Variants in DENND4C observed in about 807,000 individuals in gnomAD.
DENND4C encodes the protein DENN domain-containing protein 4C.
DENND4C carries 108 observed loss-of-function variants against 203.0 expected under a neutral mutation model. The ratio of observed to expected loss-of-function variants is 0.53; its 90% CI spans 0.46 to 0.62. DENND4C has a LOEUF of 0.62. DENND4C is among the 20% of genes least tolerant of loss of function. The probability of loss-of-function intolerance (pLI) is 0.00; values close to 1 mark genes in which losing one functional copy is unlikely to be tolerated. For missense variants in DENND4C, 2,481 were observed against 2,301.2 expected, an observed-to-expected ratio of 1.08 and a Z score of -1.60; for synonymous variants, 871 against 792.4, an observed-to-expected ratio of 1.10 and a Z score of -1.67.
chr9:19,286,640 C>T, intron 2 of DENND4C, 129 bp from the exon 3 acceptor site: 3 of 881,198 alleles, frequency 3.4e-6, no homozygotes, highest in East Asian at 3.3e-5. Context: ...ATAGGAGAGA[C>T]CAAAAAAATT....
intron 28 of DENND4C, among the ~76,000 whole-genome samples, chr9:19,359,326 C>T (rs1008662057): frequency 6.6e-5 from 10 of 151,752 alleles, no homozygotes; most frequent in African/African-American, 1.9e-4. Context: ...AGTGATCCTC[C>T]TGCTTCAGCC....
intron 1 of DENND4C, among the ~76,000 whole-genome samples, chr9:19,260,654 C>T (rs1041016384): frequency 1.3e-5 from 2 of 152,128 alleles, no homozygotes; most frequent in Non-Finnish European, 2.9e-5. Context: ...GCCTTGGTCT[C>T]CCAAAGTGCT....
In DENND4C at chr9:19,288,593, C is replaced by T; in HGVS notation, c.559-3C>T. ...TTTTATAAACCTAATTCATGTTTTA[C>T]AGTGGGGTTCCAGCGTGTTTCTGTG... is the stretch of plus-strand genomic sequence containing the variant. On this transcript the variant is annotated splice_region_variant and splice_polypyrimidine_tract_variant and intron_variant, in intron 3 of 32. Coordinates refer to ENST00000434457, the MANE Select transcript of DENND4C (RefSeq NM_001330640.2). 8.1e-7 allele frequency: 1 copy of T among 1,230,734 alleles called. No individual in the cohort carries two copies. The allele number at this position is 1,230,734 out of a possible 1,614,324, so 76.2% of individuals were successfully genotyped here.
At chr9:19,300,023 A>T (rs1838229893) in intron 8 of DENND4C, among the ~76,000 whole-genome samples, 164 bp from the exon 9 acceptor site, 1 of 152,140 alleles carries the variant, frequency 6.6e-6, no homozygotes, top group South Asian at 2.1e-4. Context: ...AGTTTAAATC[A>T]CCCCGTTATC....
chr9:19,367,964 T>C (rs188778310), intron 30 of DENND4C, among the ~76,000 whole-genome samples: 3 of 152,130 alleles, frequency 2.0e-5, no homozygotes, highest in Non-Finnish European at 4.4e-5. Context: ...AGAAAGTAGA[T>C]TAGTGGTTGC....
chr9:19,272,735 A>G (rs1039401696), intron 1 of DENND4C, among the ~76,000 whole-genome samples: 5 of 152,212 alleles, frequency 3.3e-5, no homozygotes, highest in Middle Eastern at 3.4e-3. Context: ...TGTTTTCTTT[A>G]TGACATTGGA....
chr9:19,262,683 C>T (rs1266666421), intron 1 of DENND4C, among the ~76,000 whole-genome samples: 4 of 151,752 alleles, frequency 2.6e-5, no homozygotes, highest in African/African-American at 4.8e-5. Context: ...CCATCTGCCT[C>T]GGCCTCCCAG....
chr9:19,337,033 C>T (rs545451766), intron 20 of DENND4C, among the ~76,000 whole-genome samples: 6 of 152,286 alleles, frequency 3.9e-5, no homozygotes, highest in Non-Finnish European at 7.4e-5. Flanking sequence ...GTGCTGTGCA[C>T]AGTGCTCTAG....
At chr9:19,305,265 G>A in intron 9 of DENND4C, 87 bp from the exon 10 acceptor site, 1 of 1,162,876 alleles carries the variant, frequency 8.6e-7, no homozygotes, top group Non-Finnish European at 1.2e-6. Flanking sequence ...CTGCTTTTCA[G>A]TGGTCCCTTT....
chr9:19,360,183 G>A (rs1043890507), intron 28 of DENND4C, 61 bp from the exon 29 acceptor site: 2 of 1,520,160 alleles, frequency 1.3e-6, no homozygotes, highest in Admixed American at 3.9e-5. Context: ...TCATTGAGAA[G>A]TGCTCTTGAG....
At chr9:19,238,997 A>G (rs1480332286) in intron 1 of DENND4C, among the ~76,000 whole-genome samples, 1 of 151,776 alleles carries the variant, frequency 6.6e-6, no homozygotes, top group Non-Finnish European at 1.5e-5. Context: ...AGGACCTGTA[A>G]CGATATGCCT....
intron 30 of DENND4C, 54 bp from the exon 31 acceptor site, chr9:19,369,777 AAATAAT>A (rs1554645960): frequency 2.3e-5 from 22 of 937,424 alleles, no homozygotes; most frequent in South Asian, 1.4e-4. Flanking sequence ...AAAAAAAAAA[AAATAAT>A]AATAATAATA....
chr9:19,311,503 ATT>A (rs1475757252), intron 10 of DENND4C, among the ~76,000 whole-genome samples: 1 of 152,284 alleles, frequency 6.6e-6, no homozygotes, highest in South Asian at 2.1e-4. Flanking sequence ...ACTTGTTGAG[ATT>A]TGCTTTGAAG....
intron 21 of DENND4C, among the ~76,000 whole-genome samples, chr9:19,342,223 A>G (rs913552991): frequency 6.6e-6 from 1 of 151,988 alleles, no homozygotes; most frequent in Non-Finnish European, 1.5e-5. Flanking sequence ...TTATGAAAAC[A>G]TGGAGGAATA....
intron 18 of DENND4C, among the ~76,000 whole-genome samples, chr9:19,335,904 G>T (rs984530772): frequency 6.6e-6 from 1 of 152,034 alleles, no homozygotes; most frequent in South Asian, 2.1e-4. Flanking sequence ...TGATATGGTA[G>T]CTCTAGTTTT....
At chr9:19,319,484 T>C (rs1012605552) in intron 12 of DENND4C, among the ~76,000 whole-genome samples, 10 of 134,378 alleles carry the variant, frequency 7.4e-5, no homozygotes, top group African/African-American at 2.8e-4. Flanking sequence ...GGACACAGTT[T>C]CACTCATGAC....
In DENND4C at chr9:19,352,106, A is replaced by G. The variant is rs199936388; in HGVS notation, c.4529A>G (p.Gln1510Arg). The change falls in exon 25 of 33, where the codon CAA becomes CGA. Residue 1510 changes from glutamine (Q) to arginine (R), a missense_variant. Coordinates refer to ENST00000434457, the MANE Select transcript of DENND4C (RefSeq NM_001330640.2). ...CCATTTCCAAGAGGCATGAAAGGGC[A>G]AGACTTTGAAAAATCAGATCATGGT... Reference protein sequence around the residue: ...EVPFPRGMKGQDFEKSDHGSS... With the variant: ...EVPFPRGMKGRDFEKSDHGSS... The G allele has an allele frequency of 7.9e-5, 127 of 1,613,798 alleles. No homozygotes were observed. Among genetic ancestry groups the G allele is most frequent in the Non-Finnish European group, 1.1e-4 (124 of 1,179,912 alleles).
chr9:19,325,257 G>C (rs1001210716), intron 13 of DENND4C, among the ~76,000 whole-genome samples: 3 of 151,918 alleles, frequency 2.0e-5, no homozygotes, highest in African/African-American at 7.3e-5. Flanking sequence ...TTCTAATGGA[G>C]GGTGGAAATA....
intron 10 of DENND4C, among the ~76,000 whole-genome samples, chr9:19,309,743 AT>A (rs923760715): frequency 6.6e-5 from 10 of 151,420 alleles, no homozygotes; most frequent in Middle Eastern, 6.3e-3. Context: ...TACCTTTTAA[AT>A]TTTTTTTAAT....
Sources: allele counts gnomAD v4.1 joint callset (sites outside exome capture counted in the v4.1 genomes callset), GRCh38; gene constraint gnomAD v4.1.1; transcripts MANE v1.5; gene names NCBI Gene and HGNC (gene_info 2026-07-23, HGNC 2026-07-21).